Variants in DPYD observed in about 807,000 individuals in gnomAD.
DPYD encodes dihydropyrimidine dehydrogenase.
In DPYD, 109 loss-of-function variants were observed where a neutral mutation model predicts 116.2. The observed-to-expected ratio is 0.94, with a 90% CI of 0.80 to 1.10. DPYD has a LOEUF of 1.10. DPYD is among the 50% of genes least tolerant of loss of function. DPYD has a pLI of 0.00. For synonymous variants in DPYD, 440 were observed against 432.0 expected (o/e 1.02, Z -0.23); for missense variants, 1,302 against 1,254.5 (o/e 1.04, Z -0.57).
chr1:97,677,514 A>C (rs1660209111), intron 8 of DPYD, among the ~76,000 whole-genome samples: 1 of 152,194 alleles, frequency 6.6e-6, no homozygotes. Flanking sequence ...TAAATTATCA[A>C]TACAAATGTA....
At chr1:97,403,047 A>T (rs1237091080) in intron 14 of DPYD, among the ~76,000 whole-genome samples, 1 of 151,912 alleles carries the variant, frequency 6.6e-6, no homozygotes, top group Non-Finnish European at 1.5e-5. Flanking sequence ...ATCTTAAGAG[A>T]TACTGGTCTA....
intron 6 of DPYD, among the ~76,000 whole-genome samples, chr1:97,692,383 A>G (rs959297279): frequency 6.6e-6 from 1 of 152,164 alleles, no homozygotes; most frequent in Non-Finnish European, 1.5e-5. Context: ...TTCAGTCATT[A>G]AAAAACAATT....
intron 8 of DPYD, among the ~76,000 whole-genome samples, chr1:97,654,803 A>G (rs1658805944): frequency 6.6e-6 from 1 of 152,210 alleles, no homozygotes; most frequent in South Asian, 2.1e-4. Context: ...TGGGTAATTT[A>G]TAAAGAAAAA....
chr1:97,802,492 T>TA (rs1214877564), intron 3 of DPYD, among the ~76,000 whole-genome samples: 1 of 151,816 alleles, frequency 6.6e-6, no homozygotes, highest in African/African-American at 2.4e-5. Context: ...CAATAAGAAA[T>TA]ATATAAGGAA....
At chr1:97,729,612 C>T (rs901521952) in intron 4 of DPYD, among the ~76,000 whole-genome samples, 1 of 151,976 alleles carries the variant, frequency 6.6e-6, no homozygotes, top group Non-Finnish European at 1.5e-5. Flanking sequence ...AATGTATGTA[C>T]AGAAAATCAC....
Position 97,603,350 on chromosome 1 carries a change from C to T in DPYD, c.851-8184G>A, listed in dbSNP as rs192040362. ...AAGAAAACAAATTTGCAACAGCCACCTGCTGTGGAGATGAGGCAGTAATCT... is the reference window on the plus strand; with the variant it reads ...AAGAAAACAAATTTGCAACAGCCACTTGCTGTGGAGATGAGGCAGTAATCT... On this transcript the variant is annotated intron_variant, in intron 8 of 22. Coordinates refer to ENST00000370192, the MANE Select transcript of DPYD (RefSeq NM_000110.4). 3.3e-5 allele frequency among the ~76,000 whole-genome samples: 5 copies of T among 152,026 alleles called. No individual in the cohort carries two copies. The East Asian group carries it at 9.6e-4, about 29-fold the overall frequency.
intron 18 of DPYD, among the ~76,000 whole-genome samples, chr1:97,284,275 CATT>C (rs1296593063): frequency 6.6e-6 from 1 of 151,990 alleles, no homozygotes; most frequent in Non-Finnish European, 1.5e-5. Flanking sequence ...TAAACTCACT[CATT>C]AAGTGTGAGT....
At chr1:97,513,962 T>C (rs1648010901) in intron 13 of DPYD, among the ~76,000 whole-genome samples, 1 of 151,870 alleles carries the variant, frequency 6.6e-6, no homozygotes, top group African/African-American at 2.4e-5. Flanking sequence ...TCATTGCAAT[T>C]TGCAGAAATA....
intron 3 of DPYD, among the ~76,000 whole-genome samples, chr1:97,825,126 C>G (rs1030740400): frequency 6.6e-6 from 1 of 152,054 alleles, no homozygotes; most frequent in East Asian, 1.9e-4. Flanking sequence ...TGTAACCCCT[C>G]GTCCTTTTTA....
At chr1:97,904,029 C>A (rs1427297044) in intron 1 of DPYD, among the ~76,000 whole-genome samples, 3 of 151,756 alleles carry the variant, frequency 2.0e-5, no homozygotes, top group Non-Finnish European at 2.9e-5. Context: ...TTAGGGAGGG[C>A]TTAAAATCAG....
intron 3 of DPYD, among the ~76,000 whole-genome samples, chr1:97,743,417 C>G (rs1664374038): frequency 6.6e-6 from 1 of 152,072 alleles, no homozygotes; most frequent in African/African-American, 2.4e-5. Flanking sequence ...CCAGGTAGTC[C>G]TAATAAAATA....
At chr1:97,178,932 C>T (rs1355884326) in intron 20 of DPYD, among the ~76,000 whole-genome samples, 1 of 152,138 alleles carries the variant, frequency 6.6e-6, no homozygotes, top group African/African-American at 2.4e-5. Flanking sequence ...CATGAGACTT[C>T]AGTGTTCATC....
chr1:97,264,162 GTTTTTTTTTT>G lies in DPYD; in HGVS notation c.2300-29178_2300-29169del, dbSNP rs71071641. On this transcript the variant is annotated intron_variant, in intron 18 of 22. Transcript: ENST00000370192. ...TTCTGAATCTTAATAGCAAAATTCT[GTTTTTTTTTT>G]TTTTTTTTTTTTTTTTTTTTTGGAC... Among the ~76,000 whole-genome samples, 214 of 60,078 alleles carry G rather than the reference GTTTTTTTTTT, an allele frequency of 3.6e-3. 5 individuals are homozygous for G. The highest frequency in any genetic ancestry group is 0.014 in the South Asian group (23 of 1,698). 39.4% of individuals were successfully genotyped at this position (60,078 alleles called of 152,430 possible). A position where few individuals can be genotyped will look rare whatever the true frequency, so the allele number is the denominator to read the frequency against.
intron 20 of DPYD, among the ~76,000 whole-genome samples, chr1:97,180,838 T>C (rs543287305): frequency 1.5e-4 from 23 of 152,176 alleles, no homozygotes; most frequent in South Asian, 2.1e-4. Context: ...TAAGGAGAAA[T>C]GGGGAATCAT....
At chr1:97,341,696 A>C (rs1447181566) in intron 16 of DPYD, among the ~76,000 whole-genome samples, 1 of 152,214 alleles carries the variant, frequency 6.6e-6, no homozygotes, top group Non-Finnish European at 1.5e-5. Flanking sequence ...CTTTCTGGTC[A>C]GCCATTTTAT....
At chr1:97,676,102 T>A (rs1040296643) in intron 8 of DPYD, among the ~76,000 whole-genome samples, 1 of 152,168 alleles carries the variant, frequency 6.6e-6, no homozygotes, top group Non-Finnish European at 1.5e-5. Context: ...CACCAGGTAC[T>A]AAGAGTGTTT....
intron 8 of DPYD, among the ~76,000 whole-genome samples, chr1:97,645,599 T>C (rs572425418): frequency 6.6e-6 from 1 of 152,222 alleles, no homozygotes; most frequent in Non-Finnish European, 1.5e-5. Flanking sequence ...TGTTAATATA[T>C]GTTTTCATGA....
At chr1:97,772,495 A>G (rs1666194903) in intron 3 of DPYD, among the ~76,000 whole-genome samples, 1 of 152,228 alleles carries the variant, frequency 6.6e-6, no homozygotes, top group Non-Finnish European at 1.5e-5. Context: ...TATAATTTCA[A>G]TAGATCACAT....
intron 15 of DPYD, among the ~76,000 whole-genome samples, chr1:97,379,615 G>A (rs1361117872): frequency 3.3e-5 from 5 of 152,180 alleles, no homozygotes; most frequent in Non-Finnish European, 5.9e-5. Context: ...AGGAGCACCA[G>A]TGCCCAGGCC....
Sources: allele counts gnomAD v4.1 joint callset (sites outside exome capture counted in the v4.1 genomes callset), GRCh38; gene constraint gnomAD v4.1.1; transcripts MANE v1.5; gene names NCBI Gene and HGNC (gene_info 2026-07-23, HGNC 2026-07-21).